AGPAT3: variants seen among roughly 807,000 people sequenced by gnomAD.
The protein encoded by AGPAT3 is 1-acylglycerol-3-phosphate O-acyltransferase 3.
Under a neutral mutation model 47.3 loss-of-function variants are expected in AGPAT3, and 5 were observed. The ratio of observed to expected loss-of-function variants is 0.11; its 90% CI spans 0.06 to 0.22. The LOEUF (loss-of-function observed/expected upper bound fraction) is 0.22, where lower values mean the gene tolerates loss of function less well. AGPAT3 is among the 10% of genes least tolerant of loss of function. The probability of loss-of-function intolerance (pLI) is 1.00; values close to 1 mark genes in which losing one functional copy is unlikely to be tolerated. For synonymous variants in AGPAT3, 212 were observed against 208.3 expected, an observed-to-expected ratio of 1.02 and a Z score of -0.15; for missense variants, 315 against 493.0, an observed-to-expected ratio of 0.64 and a Z score of 3.42.
intron 1 of AGPAT3, among the ~76,000 whole-genome samples, chr21:43,885,664 A>G (rs2085959257): frequency 6.6e-6 from 1 of 152,230 alleles, no homozygotes; most frequent in Admixed American, 6.5e-5. Context: ...GATTACAGGC[A>G]TAAGCCACCG....
At chr21:43,887,784 A>G (rs1272268781) in intron 1 of AGPAT3, among the ~76,000 whole-genome samples, 3 of 152,004 alleles carry the variant, frequency 2.0e-5, no homozygotes, top group African/African-American at 7.3e-5. Flanking sequence ...CCTCCCAAGT[A>G]GCTGGGACTA....
In AGPAT3 at chr21:43,986,471, T is replaced by G. The variant is rs1225210371; in HGVS notation, c.*4079T>G. The G allele has an allele frequency of 1.3e-5, 2 of 152,686 alleles. No individual in the cohort carries two copies. The highest frequency in any genetic ancestry group is 4.8e-5 in the African/African-American group (2 of 41,472). 9.5% of individuals were successfully genotyped at this position (152,686 alleles called of 1,614,324 possible). On this transcript the variant is annotated 3_prime_UTR_variant, in exon 10 of 10. Transcript: ENST00000291572. Reference sequence around the variant, plus strand: ...ACAAGTATTTGGACAGAAGTCGAACTGTGAATGAGATACTGAAATGCACTA... The same window carrying G: ...ACAAGTATTTGGACAGAAGTCGAACGGTGAATGAGATACTGAAATGCACTA...
chr21:43,871,301 C>T (rs953568697), intron 1 of AGPAT3, among the ~76,000 whole-genome samples: 20 of 152,270 alleles, frequency 1.3e-4, no homozygotes, highest in African/African-American at 4.6e-4. Flanking sequence ...AAACAGCGTT[C>T]TCTGATGATG....
intron 2 of AGPAT3, among the ~76,000 whole-genome samples, chr21:43,914,259 T>C (rs1055920286): frequency 3.9e-5 from 6 of 152,216 alleles, no homozygotes; most frequent in Non-Finnish European, 5.9e-5. Context: ...TTAGACAAAT[T>C]TCCTTCTTCC....
chr21:43,978,165 A>C (rs921577648), intron 8 of AGPAT3, 44 bp downstream of exon 8: 2 of 1,568,004 alleles, frequency 1.3e-6, no homozygotes, highest in African/African-American at 2.7e-5. Context: ...TCTCCTGAAG[A>C]GGCTGTGGAA....
chr21:43,870,978 A>G (rs151197592), intron 1 of AGPAT3, among the ~76,000 whole-genome samples: 1 of 152,314 alleles, frequency 6.6e-6, no homozygotes, highest in East Asian at 1.9e-4. Context: ...CCAGGTGGGT[A>G]TAGGACCAGA....
intron 8 of AGPAT3, among the ~76,000 whole-genome samples, chr21:43,978,672 T>G (rs1425187616): frequency 2.0e-5 from 3 of 152,236 alleles, no homozygotes; most frequent in African/African-American, 7.2e-5. Flanking sequence ...ACATGATGCC[T>G]GTATAATTAT....
rs1017458922 is a variant in AGPAT3 at position 43,908,733 on chromosome 21, G to A, written c.-49+4714G>A. Among the ~76,000 whole-genome samples the A allele has an allele frequency of 6.6e-6, 1 of 152,258 alleles. No individual in the cohort carries two copies. Among genetic ancestry groups the A allele is most frequent in the Non-Finnish European group, 1.5e-5 (1 of 68,044 alleles). On this transcript the variant is annotated intron_variant, in intron 2 of 9. Transcript: ENST00000291572. The surrounding 1 kb of genome is among the most constrained non-coding windows in gnomAD (Gnocchi z 4.9). ...AGGCTAATTGCAGAGGATGCTCACT[G>A]ATGAGGGCGAGGATCAAAGCCCGTG...
chr21:43,895,253 T>C (rs1183069214), intron 1 of AGPAT3, among the ~76,000 whole-genome samples: 1 of 151,606 alleles, frequency 6.6e-6, no homozygotes, highest in African/African-American at 2.4e-5. Flanking sequence ...TACAGGTGCA[T>C]GCCACCATGC....
At chr21:43,964,299 C>T (rs1040505910) in intron 3 of AGPAT3, among the ~76,000 whole-genome samples, 6 of 152,226 alleles carry the variant, frequency 3.9e-5, no homozygotes, top group Admixed American at 2.0e-4. Flanking sequence ...GCAGGAGAAT[C>T]GCTTGACCCT....
rs1034691066 is a variant in AGPAT3 at position 43,982,087 on chromosome 21, G to A, written c.1043-217G>A. ...GTGTCCACCTGCCTCGGACCCAGCC[G>A]GTCAGAAGACGTGCCCCTCACCCCT... On this transcript the variant is annotated intron_variant, in intron 9 of 9. Transcript: ENST00000291572. This position sits in a 1 kb window ranked among gnomAD's most constrained non-coding sequence, Gnocchi z 6.2. Among the ~76,000 whole-genome samples, 4 of 152,164 alleles carry A rather than the reference G, an allele frequency of 2.6e-5. No individual in the cohort carries two copies. Among genetic ancestry groups the A allele is most frequent in the East Asian group, 3.9e-4 (2 of 5,192 alleles).
chr21:43,873,570 G>T (rs1364484898), intron 1 of AGPAT3, among the ~76,000 whole-genome samples: 1 of 152,242 alleles, frequency 6.6e-6, no homozygotes, highest in South Asian at 2.1e-4. Context: ...TAGAGACGGG[G>T]TTTCACCATG....
At chr21:43,964,386 G>A (rs1350216627) in intron 3 of AGPAT3, among the ~76,000 whole-genome samples, 1 of 151,812 alleles carries the variant, frequency 6.6e-6, no homozygotes, top group Non-Finnish European at 1.5e-5. Context: ...ATTAGAGATG[G>A]GGTTTCACCA....
intron 2 of AGPAT3, among the ~76,000 whole-genome samples, chr21:43,929,896 C>T (rs574996670): frequency 6.6e-6 from 1 of 152,320 alleles, no homozygotes; most frequent in East Asian, 1.9e-4. Flanking sequence ...GGTGAGATGG[C>T]GCTCCCAGCG....
Position 43,880,728 on chromosome 21 carries a change from A to G in AGPAT3, c.-112+15383A>G, listed in dbSNP as rs937914788. On this transcript the variant is annotated intron_variant, in intron 1 of 9. Transcript: ENST00000291572. This position sits in a 1 kb window ranked among gnomAD's most constrained non-coding sequence, Gnocchi z 4.5. ...ATTTCCACTCACATATATCTCCCCA[A>G]AGTGGAAACAAGGACACGTCTAGAG... is the stretch of plus-strand genomic sequence containing the variant. 6.6e-6 allele frequency among the ~76,000 whole-genome samples: 1 copy of G among 152,194 alleles called. No homozygotes were observed. The highest frequency in any genetic ancestry group is 1.5e-5 in the Non-Finnish European group (1 of 68,038).
At chr21:43,873,528 C>T (rs2085669358) in intron 1 of AGPAT3, among the ~76,000 whole-genome samples, 1 of 152,122 alleles carries the variant, frequency 6.6e-6, no homozygotes, top group African/African-American at 2.4e-5. Flanking sequence ...CAGGCGCGCA[C>T]CACCACGCCT....
At chr21:43,898,095 C>T (rs879907947) in intron 1 of AGPAT3, among the ~76,000 whole-genome samples, 1 of 152,016 alleles carries the variant, frequency 6.6e-6, no homozygotes, top group African/African-American at 2.4e-5. Context: ...AGTCCAGCCT[C>T]GGTAACAGAG....
chr21:43,961,782 G>A lies in AGPAT3; in HGVS notation c.178+1923G>A, dbSNP rs116958299. On this transcript the variant is annotated intron_variant, in intron 3 of 9. Coordinates refer to ENST00000291572, the MANE Select transcript of AGPAT3 (RefSeq NM_020132.5). ...TTGTCTCATGTAGGAAATGGTGAGCGCATAGACACTTTGTCTCATATGGGA... is the reference window on the plus strand; with the variant it reads ...TTGTCTCATGTAGGAAATGGTGAGCACATAGACACTTTGTCTCATATGGGA... Among the ~76,000 whole-genome samples, 200 of 152,230 alleles carry A rather than the reference G, an allele frequency of 1.3e-3. 1 individual carries two copies. The highest frequency in any genetic ancestry group is 1.9e-3 in the Non-Finnish European group (126 of 68,014).
chr21:43,948,707 T>C (rs1263431945), intron 2 of AGPAT3, among the ~76,000 whole-genome samples: 2 of 152,250 alleles, frequency 1.3e-5, no homozygotes, highest in Admixed American at 1.3e-4. Context: ...TGCTAAAAGA[T>C]TCTCATGAAC....
Sources: allele counts gnomAD v4.1 joint callset (sites outside exome capture counted in the v4.1 genomes callset), GRCh38; gene constraint gnomAD v4.1.1; non-coding constraint Gnocchi (gnomAD v3.1); transcripts MANE v1.5; gene names NCBI Gene and HGNC (gene_info 2026-07-23, HGNC 2026-07-21).